The following TMEM178B variants were observed in gnomAD, a reference collection of about 807,000 sequenced individuals.
TMEM178B encodes the protein transmembrane protein 178B.
Under a neutral mutation model 31.0 loss-of-function variants are expected in TMEM178B, and 5 were observed. The observed-to-expected ratio is 0.16, with a 90% CI of 0.08 to 0.34. TMEM178B has a LOEUF of 0.34. Among genes scored for constraint, TMEM178B ranks in the 10% least tolerant of loss-of-function variants. TMEM178B has a pLI of 1.00. For missense variants in TMEM178B, 275 were observed against 400.3 expected, an observed-to-expected ratio of 0.69 and a Z score of 2.67; for synonymous variants, 164 against 164.0, an observed-to-expected ratio of 1.00 and a Z score of 0.00.
chr7:141,212,799 G>A lies in TMEM178B; in HGVS notation c.496+95G>A. 5 of 987,856 alleles carry A rather than the reference G, an allele frequency of 5.1e-6. No individual in the cohort carries two copies. The South Asian group carries it at 7.1e-5, about 14-fold the overall frequency. The allele number at this position is 987,856 out of a possible 1,614,324, so 61.2% of individuals were successfully genotyped here. On this transcript the variant is annotated intron_variant, in intron 2 of 3. Coordinates refer to ENST00000565468, the MANE Select transcript of TMEM178B (RefSeq NM_001195278.2). The stretch of plus-strand genomic sequence containing the variant: ...GATGTGCCTCCTTCTGGGATCTGTG[G>A]ATGGTCTCAGAACATTGAGATGGTT...
intron 2 of TMEM178B, among the ~76,000 whole-genome samples, chr7:141,432,385 C>T (rs1188696640): frequency 1.3e-5 from 2 of 152,154 alleles, no homozygotes; most frequent in Non-Finnish European, 2.9e-5. Flanking sequence ...GAATGCCTGA[C>T]CTCAGGTGAT....
intron 2 of TMEM178B, among the ~76,000 whole-genome samples, chr7:141,215,777 C>T (rs1047340070): frequency 1.8e-5 from 2 of 112,130 alleles, no homozygotes; most frequent in Admixed American, 9.5e-5. Flanking sequence ...TATATACTTT[C>T]CTTTCTTTCT....
intron 1 of TMEM178B, among the ~76,000 whole-genome samples, chr7:141,164,568 G>A (rs888948556): frequency 8.5e-5 from 13 of 152,154 alleles, no homozygotes; most frequent in Admixed American, 8.5e-4. Context: ...GGACTAGATG[G>A]AATTTAAGAC....
chr7:141,375,433 A>G (rs1393891074), intron 2 of TMEM178B, among the ~76,000 whole-genome samples: 1 of 152,240 alleles, frequency 6.6e-6, no homozygotes, highest in Non-Finnish European at 1.5e-5. Flanking sequence ...TTATTTTTAA[A>G]TGAAAAAGAC....
intron 2 of TMEM178B, among the ~76,000 whole-genome samples, chr7:141,306,236 T>A (rs1283050479): frequency 1.3e-5 from 2 of 152,092 alleles, no homozygotes; most frequent in African/African-American, 2.4e-5. Flanking sequence ...CAAGTGCGAG[T>A]AAGAGGCAAA....
intron 3 of TMEM178B, among the ~76,000 whole-genome samples, chr7:141,452,501 G>T (rs573482526): frequency 1.3e-5 from 2 of 152,094 alleles, no homozygotes; most frequent in Admixed American, 1.3e-4. Context: ...GCCAGCATCT[G>T]CCAATATTTC....
At chr7:141,396,451 C>T (rs1237271682) in intron 2 of TMEM178B, among the ~76,000 whole-genome samples, 5 of 152,194 alleles carry the variant, frequency 3.3e-5, no homozygotes, top group Non-Finnish European at 4.4e-5. Flanking sequence ...CGGCATTTGC[C>T]GCCTTGAAGG....
chr7:141,357,930 C>A (rs1799849294), intron 2 of TMEM178B, among the ~76,000 whole-genome samples: 1 of 152,100 alleles, frequency 6.6e-6, no homozygotes. Context: ...GTGAAGAATC[C>A]CTGTGTTACA....
chr7:141,493,430 G>C, the TMEM178B span, among the ~76,000 whole-genome samples: 6,100 of 152,242 alleles, frequency 0.04, 381 homozygotes, highest in African/African-American at 0.13. Context: ...GAGAGAGAAA[G>C]TACCCACCCC....
chr7:141,085,296 C>T (rs991428958), intron 1 of TMEM178B, among the ~76,000 whole-genome samples: 1 of 151,482 alleles, frequency 6.6e-6, no homozygotes, highest in African/African-American at 2.4e-5. Context: ...CATGCCTGGC[C>T]TATTTTTTGT....
intron 1 of TMEM178B, among the ~76,000 whole-genome samples, chr7:141,075,224 G>T (rs1794583839): frequency 1.3e-5 from 2 of 152,158 alleles, no homozygotes; most frequent in Non-Finnish European, 2.9e-5. Context: ...CCCCTGTCCT[G>T]TAAGCAGCTC....
chr7:141,110,013 C>A (rs1254493710), intron 1 of TMEM178B, among the ~76,000 whole-genome samples: 1 of 151,686 alleles, frequency 6.6e-6, no homozygotes, highest in Non-Finnish European at 1.5e-5. Flanking sequence ...AAATTTATGA[C>A]TTATTGATTA....
chr7:141,078,071 C>T (rs1794626119), intron 1 of TMEM178B, among the ~76,000 whole-genome samples: 1 of 152,112 alleles, frequency 6.6e-6, no homozygotes, highest in Non-Finnish European at 1.5e-5. Flanking sequence ...TGTTGGCATC[C>T]ATGACAAGTC....
intron 2 of TMEM178B, among the ~76,000 whole-genome samples, chr7:141,345,974 A>T (rs1290949323): frequency 6.6e-6 from 1 of 152,112 alleles, no homozygotes; most frequent in Non-Finnish European, 1.5e-5. Flanking sequence ...ATTTATATTT[A>T]TTTAATCCTA....
At chr7:141,271,335 AG>A (rs1798177216) in intron 2 of TMEM178B, among the ~76,000 whole-genome samples, 1 of 152,194 alleles carries the variant, frequency 6.6e-6, no homozygotes, top group Admixed American at 6.5e-5. Context: ...GGAAGGAATG[AG>A]GGGGCAAAGA....
intron 2 of TMEM178B, among the ~76,000 whole-genome samples, chr7:141,294,561 TA>T (rs1233178178): frequency 6.6e-6 from 1 of 152,192 alleles, no homozygotes; most frequent in Admixed American, 6.5e-5. Flanking sequence ...AAATGTTAAC[TA>T]TACTAAAACT....
At chr7:141,384,830 T>C (rs945897492) in intron 2 of TMEM178B, among the ~76,000 whole-genome samples, 1 of 152,170 alleles carries the variant, frequency 6.6e-6, no homozygotes, top group African/African-American at 2.4e-5. Flanking sequence ...TTCTATATTG[T>C]ATTGAAATCT....
intron 1 of TMEM178B, among the ~76,000 whole-genome samples, chr7:141,098,844 G>A (rs1795006866): frequency 6.6e-6 from 1 of 152,198 alleles, no homozygotes; most frequent in Non-Finnish European, 1.5e-5. Context: ...ATGTGCAAGT[G>A]CATATCTGAA....
intron 3 of TMEM178B, among the ~76,000 whole-genome samples, chr7:141,470,230 AC>A (rs1048504886): frequency 1.3e-5 from 2 of 152,198 alleles, no homozygotes; most frequent in African/African-American, 4.8e-5. Flanking sequence ...TGCTCACTCT[AC>A]CCCACACAAA....
Sources: allele counts gnomAD v4.1 joint callset (sites outside exome capture counted in the v4.1 genomes callset), GRCh38; gene constraint gnomAD v4.1.1; transcripts MANE v1.5; gene names NCBI Gene and HGNC (gene_info 2026-07-23, HGNC 2026-07-21).